Variants in BRD4 observed in about 807,000 individuals in gnomAD.
BRD4 encodes the protein bromodomain-containing protein 4.
A neutral mutation model predicts 142.1 loss-of-function variants in BRD4; 16 were observed. The observed-to-expected ratio is 0.11, with a 90% CI of 0.08 to 0.17. The LOEUF (loss-of-function observed/expected upper bound fraction) is 0.17, where lower values mean the gene tolerates loss of function less well. Among genes scored for constraint, BRD4 ranks in the 10% least tolerant of loss-of-function variants. The pLI, the probability that BRD4 is intolerant of heterozygous loss-of-function variation, is 1.00. For synonymous variants in BRD4, 833 were observed against 707.5 expected, an observed-to-expected ratio of 1.18 and a Z score of -2.82; for missense variants, 1,424 against 1,810.9, an observed-to-expected ratio of 0.79 and a Z score of 3.88.
intron 1 of BRD4, among the ~76,000 whole-genome samples, chr19:15,293,676 C>G (rs1182872620): frequency 6.6e-6 from 1 of 152,114 alleles, no homozygotes; most frequent in African/African-American, 2.4e-5. Flanking sequence ...ACCTAAAATC[C>G]GCCATTTTAA....
rs1001909324 is a variant in BRD4 at position 15,257,132 on chromosome 19, A to G, written c.1383T>C (p.Pro461=). The G allele has an allele frequency of 6.2e-7, 1 of 1,608,998 alleles. No homozygotes were observed. Among genetic ancestry groups the G allele is most frequent in the Admixed American group, 1.7e-5 (1 of 59,886 alleles). ...AGGACACGGCCACCACTGGCTCCTC[A>G]GGCTCGTCCGGCATCTTGGCAAAGC... ...EMRFAKMPDE[P]EEPVVAVSSP... The change falls in exon 8 of 20, where the codon CCT becomes CCC. Residue 461 remains proline, a synonymous_variant. Coordinates refer to ENST00000679869, the MANE Select transcript of BRD4 (RefSeq NM_001379291.1).
At chr19:15,278,004 G>A (rs996104748) in intron 1 of BRD4, among the ~76,000 whole-genome samples, 2 of 147,738 alleles carry the variant, frequency 1.4e-5, no homozygotes, top group Non-Finnish European at 3.0e-5. Context: ...TACTTGGGAG[G>A]CTGAGGCAGG....
At chr19:15,277,512 T>A (rs114026929) in intron 1 of BRD4, among the ~76,000 whole-genome samples, 2 of 151,532 alleles carry the variant, frequency 1.3e-5, no homozygotes, top group Non-Finnish European at 2.9e-5. Flanking sequence ...CCAGGCACAG[T>A]GGCTCACGCC....
chr19:15,291,553 C>T (rs1299138570), intron 1 of BRD4, among the ~76,000 whole-genome samples: 1 of 152,144 alleles, frequency 6.6e-6, no homozygotes, highest in Non-Finnish European at 1.5e-5. Context: ...TTCTCATTGC[C>T]TCCGTATTAT....
At chr19:15,323,178 TAAA>T (rs1017018376) in intron 1 of BRD4, among the ~76,000 whole-genome samples, 41 of 73,066 alleles carry the variant, frequency 5.6e-4, no homozygotes, top group African/African-American at 2.2e-3. Context: ...TCCATCTCTT[TAAA>T]AAAAAAAAAA....
chr19:15,236,440 G>C lies in BRD4; in HGVS notation c.*1937C>G, dbSNP rs2047192416. The C allele has an allele frequency of 6.6e-6, 1 of 151,826 alleles. No individual in the cohort carries two copies. The highest frequency in any genetic ancestry group is 6.6e-5 in the Admixed American group (1 of 15,234). The allele number at this position is 151,826 out of a possible 1,614,324, so 9.4% of individuals were successfully genotyped here. On this transcript the variant is annotated 3_prime_UTR_variant, in exon 20 of 20. Transcript: ENST00000679869. ...TATCTGGTTAACCCTGAGCTTAAAT[G>C]AAAGGAGGAGTTAGGTTGAGGCAGG...
intron 1 of BRD4, among the ~76,000 whole-genome samples, chr19:15,323,523 CTTCCCTT>C (rs939424572): frequency 4.6e-5 from 7 of 152,206 alleles, no homozygotes; most frequent in Non-Finnish European, 8.8e-5. Flanking sequence ...TTCTCACCCT[CTTCCCTT>C]TTCTTTACAC....
chr19:15,313,337 C>T (rs1482135049), intron 1 of BRD4, among the ~76,000 whole-genome samples: 3 of 143,930 alleles, frequency 2.1e-5, no homozygotes, highest in African/African-American at 7.8e-5. Flanking sequence ...CGTGCCACTT[C>T]ACTCCAGCCT....
intron 10 of BRD4, 86 bp downstream of exon 10, chr19:15,255,211 C>G: frequency 7.7e-7 from 1 of 1,301,246 alleles, no homozygotes; most frequent in Non-Finnish European, 1.0e-6. Context: ...GGGGGGGGCG[C>G]AGAAAGAGTG....
At chr19:15,302,762 T>C (rs893288067) in intron 1 of BRD4, among the ~76,000 whole-genome samples, 4 of 150,890 alleles carry the variant, frequency 2.7e-5, no homozygotes, top group African/African-American at 9.8e-5. Context: ...TCTCAGCACT[T>C]TGGGAGGCCG....
rs1183026299 is a variant in BRD4, at chr19:15,255,350, C to T, written c.1994G>A (p.Arg665His). 1.2e-6 allele frequency: 2 copies of T among 1,613,976 alleles called. No homozygotes were observed. Among genetic ancestry groups the T allele is most frequent in the Non-Finnish European group, 1.7e-6 (2 of 1,180,010 alleles). Residue 665 changes from arginine (R) to histidine (H), a missense_variant, in exon 10 of 20, where the codon CGT becomes CAT. By Grantham distance (29) the Arg-to-His change is conservative. This residue lies in a region of BRD4 where 46 missense variants were observed against 110.4 expected (regional missense o/e 0.42). Transcript: ENST00000679869. ...GGAGGTGACATAGCGCTCCAGCTCA[C>T]GCAGTGTGGACGGCTTCAGGGTCTC... ...DFETLKPSTL[R>H]ELERYVTSCL...
rs2047218149 is a variant in BRD4, at chr19:15,239,200, G to A, written c.3641C>T (p.Ser1214Phe). 6.2e-7 allele frequency: 1 copy of A among 1,613,050 alleles called. No individual in the cohort carries two copies. Reference sequence around the variant, plus strand: ...GTCGCTGGATGACTTGGCTGTGGAGGAGGGGGTGGTCGGATGCTTCTGCAC... The same window carrying A: ...GTCGCTGGATGACTTGGCTGTGGAGAAGGGGGTGGTCGGATGCTTCTGCAC... The part of the protein sequence containing the change: ...SLVQKHPTTP[S>F]STAKSSSDSF... Residue 1214 changes from serine (S) to phenylalanine (F), a missense_variant, in exon 18 of 20, where the codon TCC (serine) becomes TTC (phenylalanine). Coordinates refer to ENST00000679869, the MANE Select transcript of BRD4 (RefSeq NM_001379291.1). The surrounding 1 kb of genome is among the most constrained non-coding windows in gnomAD (Gnocchi z 7.4).
At chr19:15,298,558 T>C (rs1322600912) in intron 1 of BRD4, among the ~76,000 whole-genome samples, 1 of 131,084 alleles carries the variant, frequency 7.6e-6, no homozygotes, top group East Asian at 2.3e-4. Flanking sequence ...GGGGCAGCGG[T>C]TGCAGTGAGC....
chr19:15,299,799 T>C (rs1242684381), intron 1 of BRD4, among the ~76,000 whole-genome samples: 2 of 152,228 alleles, frequency 1.3e-5, no homozygotes, highest in African/African-American at 4.8e-5. Context: ...CTATGTGTCC[T>C]TACGGCAAGT....
chr19:15,239,865 C>G lies in BRD4; in HGVS notation c.3283-44G>C, dbSNP rs1367796814. On this transcript the variant is annotated intron_variant, in intron 15 of 19. Coordinates refer to ENST00000679869, the MANE Select transcript of BRD4 (RefSeq NM_001379291.1). This position sits in a 1 kb window ranked among gnomAD's most constrained non-coding sequence, Gnocchi z 7.4. ...AGCGGCCGGTGAGGTGGGCAGGCAC[C>G]CCCGGCCCTAGCCCACAGGACTATG... The G allele has an allele frequency of 1.9e-6, 3 of 1,613,872 alleles. No individual in the cohort carries two copies. Among genetic ancestry groups the G allele is most frequent in the Non-Finnish European group, 2.5e-6 (3 of 1,180,016 alleles).
intron 1 of BRD4, among the ~76,000 whole-genome samples, chr19:15,320,967 C>T (rs2048056348): frequency 6.6e-6 from 1 of 152,256 alleles, no homozygotes; most frequent in Admixed American, 6.5e-5. Context: ...GGCATAGTGG[C>T]TCACGCCTGT....
intron 11 of BRD4, chr19:15,253,815 A>G: frequency 6.4e-7 from 1 of 1,558,054 alleles, no homozygotes; most frequent in Non-Finnish European, 8.7e-7. Context: ...TCAACAGCAC[A>G]GCCTGGACCC....
chr19:15,256,119 T>C lies in BRD4; in HGVS notation c.1696A>G (p.Lys566Glu). The change falls in exon 9 of 20, where the codon AAG becomes GAG. Residue 566 changes from lysine (K) to glutamate (E), a missense_variant. This residue lies in a region of BRD4 where 86 missense variants were observed against 78.9 expected (regional missense o/e 1.09). Transcript: ENST00000679869. ...TTCGTCTTTTTAGGAGGAGGTTCCT[T>C]GGCTTTGCTTTTTTTATTCTCTTCC... The part of the protein sequence containing the change: ...EVEENKKSKA[K>E]EPPPKKTKKN... The C allele has an allele frequency of 2.5e-6, 4 of 1,611,928 alleles. No individual in the cohort carries two copies. The highest frequency in any genetic ancestry group is 3.4e-6 in the Non-Finnish European group (4 of 1,179,852).
In BRD4 at chr19:15,249,222, C is replaced by A. The variant is rs996959011; in HGVS notation, c.2159-4460G>T. On this transcript the variant is annotated intron_variant, in intron 11 of 19. Transcript: ENST00000679869. ...GGAAGAAAATGGACTTAAGCTATAG[C>A]TTGCTGGGAAGGAATCTGGAACTGA... is the stretch of plus-strand genomic sequence containing the variant. 4 of 1,613,568 alleles carry A rather than the reference C, an allele frequency of 2.5e-6. No homozygotes were observed. The African/African-American group carries it at 5.3e-5, about 22-fold the overall frequency.
Sources: gnomAD v4.1 joint callset for allele counts (sites outside exome capture counted in the v4.1 genomes callset) on GRCh38, gnomAD v4.1.1 for gene constraint, gnomAD v4.1.1 regional missense constraint, Gnocchi (gnomAD v3.1) non-coding constraint, MANE v1.5 for transcripts, NCBI Gene and HGNC (gene_info 2026-07-23, HGNC 2026-07-21) for gene names.